Variants in WWOX observed in about 807,000 individuals in gnomAD.
WWOX encodes the protein WW domain containing oxidoreductase.
In WWOX, 69 loss-of-function variants were observed where a neutral mutation model predicts 46.2. The observed-to-expected ratio is 1.49, with a 90% confidence interval of 1.23 to 1.82. WWOX has a LOEUF of 1.82. Ranked by LOEUF, WWOX falls within the 40% of genes most tolerant of loss-of-function variation. The pLI, the probability that WWOX is intolerant of heterozygous loss-of-function variation, is 0.00. For synonymous variants in WWOX, 359 were observed against 202.6 expected, an observed-to-expected ratio of 1.77 and a Z score of -6.56; for missense variants, 919 against 542.6, an observed-to-expected ratio of 1.69 and a Z score of -6.89.
Position 78,755,153 on chromosome 16 carries a change from C to G in WWOX, c.1056+322401C>G, listed in dbSNP as rs557661189. On this transcript the variant is annotated intron_variant, in intron 8 of 8. Transcript: ENST00000566780. The stretch of plus-strand genomic sequence containing the variant: ...ATAGGTGCAGCAAACCACCATGGCA[C>G]ATGTACACCTATGTAACAAGGCTGC... 2.0e-5 allele frequency among the ~76,000 whole-genome samples: 3 copies of G among 148,514 alleles called. No individual in the cohort carries two copies. The East Asian group carries it at 6.0e-4, about 30-fold the overall frequency.
At chr16:78,670,830 G>A (rs1020057236) in intron 8 of WWOX, among the ~76,000 whole-genome samples, 1 of 152,034 alleles carries the variant, frequency 6.6e-6, no homozygotes, top group Admixed American at 6.6e-5. Flanking sequence ...GGTCTTTATA[G>A]ATGTAACTGA....
chr16:78,773,581 G>C (rs953689696), intron 8 of WWOX, among the ~76,000 whole-genome samples: 5 of 152,164 alleles, frequency 3.3e-5, no homozygotes, highest in Non-Finnish European at 5.9e-5. Flanking sequence ...CTTATTCATA[G>C]CTCCGCACTC....
At chr16:78,595,553 C>A (rs1480542502) in intron 8 of WWOX, among the ~76,000 whole-genome samples, 1 of 152,222 alleles carries the variant, frequency 6.6e-6, no homozygotes, top group Non-Finnish European at 1.5e-5. Context: ...ATCTCTCCCT[C>A]CCCACCACAG....
chr16:79,109,546 C>T (rs2049376999), intron 8 of WWOX, among the ~76,000 whole-genome samples: 1 of 152,118 alleles, frequency 6.6e-6, no homozygotes, highest in African/African-American at 2.4e-5. Flanking sequence ...AATTAATATG[C>T]AGTTGCTATT....
chr16:78,420,035 A>T (rs56259165), intron 6 of WWOX, among the ~76,000 whole-genome samples: 8 of 152,190 alleles, frequency 5.3e-5, no homozygotes, highest in African/African-American at 1.4e-4. Context: ...AAGATGTTCA[A>T]TCTCATTAGG....
In WWOX at chr16:78,916,096, G is replaced by C. The variant is rs145627992; in HGVS notation, c.1057-295512G>C. ...ATCATTGTGTTTACAGAGGTGGTCA[G>C]ATTCCCAGCACAGTGTACTCCCGCA... On this transcript the variant is annotated intron_variant, in intron 8 of 8. Coordinates refer to ENST00000566780, the MANE Select transcript of WWOX (RefSeq NM_016373.4). 6.6e-3 allele frequency among the ~76,000 whole-genome samples: 1,002 copies of C among 152,266 alleles called. 10 individuals are homozygous for C. The highest frequency in any genetic ancestry group is 0.023 in the African/African-American group (973 of 41,542).
chr16:79,087,946 G>T (rs1567541176), intron 8 of WWOX, among the ~76,000 whole-genome samples: 2 of 152,246 alleles, frequency 1.3e-5, no homozygotes, highest in Admixed American at 6.5e-5. Context: ...GCATTCATGG[G>T]TCTGTAGTCC....
At chr16:78,389,556 T>C (rs1358596160) in intron 6 of WWOX, among the ~76,000 whole-genome samples, 4 of 152,144 alleles carry the variant, frequency 2.6e-5, no homozygotes, top group Non-Finnish European at 2.9e-5. Flanking sequence ...ATTTTGCATG[T>C]ATGTTTTGAT....
At position 78,133,449 on chromosome 16, in the gene WWOX, C is replaced by T. The variant is rs750615778; in HGVS notation, c.409+18295C>T. Among the ~76,000 whole-genome samples, 19 of 152,166 alleles carry T rather than the reference C, an allele frequency of 1.2e-4. 1 individual carries two copies. The South Asian group carries it at 1.5e-3, about 12-fold the overall frequency. ...CTAATTTTTGTATTTTTATTAGAGA[C>T]GGGGTTTCACCATGTTGGCCAGGCT... On this transcript the variant is annotated intron_variant, in intron 4 of 8. Transcript: ENST00000566780.
At chr16:78,887,075 G>A (rs1567627127) in intron 8 of WWOX, among the ~76,000 whole-genome samples, 2 of 20,896 alleles carry the variant, frequency 9.6e-5, no homozygotes, top group East Asian at 3.8e-3. Flanking sequence ...GTGTGTGTGT[G>A]TGGTGTGTGT....
intron 8 of WWOX, among the ~76,000 whole-genome samples, chr16:78,934,316 C>G (rs1372179730): frequency 8.2e-6 from 1 of 122,548 alleles, no homozygotes; most frequent in Non-Finnish European, 1.8e-5. Context: ...CTAGCCTGGG[C>G]GACAGAGCAA....
intron 4 of WWOX, chr16:78,119,019 T>A (rs1159626946): frequency 1.3e-5 from 2 of 152,198 alleles, no homozygotes; most frequent in African/African-American, 4.8e-5. Flanking sequence ...TCTGTGGAGA[T>A]CAGCATCTCA....
At chr16:78,117,588 T>C (rs1293238829) in intron 4 of WWOX, among the ~76,000 whole-genome samples, 1 of 152,204 alleles carries the variant, frequency 6.6e-6, no homozygotes, top group Admixed American at 6.5e-5. Flanking sequence ...ATATCCTGCG[T>C]GGCTGCCTTA....
At chr16:78,505,010 G>A (rs1208412138) in intron 8 of WWOX, among the ~76,000 whole-genome samples, 3 of 152,156 alleles carry the variant, frequency 2.0e-5, no homozygotes, top group Non-Finnish European at 4.4e-5. Context: ...GTGCACGAAA[G>A]GAGATAAATG....
chr16:78,778,754 C>G (rs1276212376), intron 8 of WWOX, among the ~76,000 whole-genome samples: 1 of 152,080 alleles, frequency 6.6e-6, no homozygotes, highest in Non-Finnish European at 1.5e-5. Context: ...AAACTCAAAC[C>G]AAAGAGCACA....
chr16:79,150,048 C>G (rs1160379555), intron 8 of WWOX, among the ~76,000 whole-genome samples: 1 of 152,204 alleles, frequency 6.6e-6, no homozygotes, highest in Non-Finnish European at 1.5e-5. Flanking sequence ...CAAATACGTT[C>G]TTCTCTGATT....
chr16:78,841,421 A>C lies in WWOX; in HGVS notation c.1057-370187A>C, dbSNP rs371604448. ...TTTGCCTGTTTCTTCCAAAATCTGG[A>C]TTCAGTGACATCGTGTTGGTAGCTT... On this transcript the variant is annotated intron_variant, in intron 8 of 8. Coordinates refer to ENST00000566780, the MANE Select transcript of WWOX (RefSeq NM_016373.4). Among the ~76,000 whole-genome samples, 225 of 152,316 alleles carry C rather than the reference A, an allele frequency of 1.5e-3. 11 individuals are homozygous for C. The South Asian group carries it at 0.045, about 30-fold the overall frequency.
intron 8 of WWOX, among the ~76,000 whole-genome samples, chr16:78,775,559 C>T (rs764348602): frequency 3.9e-5 from 6 of 152,026 alleles, no homozygotes; most frequent in Admixed American, 6.5e-5. Context: ...CTGCTCATCC[C>T]GTCTACAACC....
intron 5 of WWOX, among the ~76,000 whole-genome samples, chr16:78,192,491 CAAAAA>C (rs56109773): frequency 1.1e-5 from 1 of 87,504 alleles, no homozygotes. Flanking sequence ...GACTCCGTCT[CAAAAA>C]AAAAAAAAAA....
Sources: gnomAD v4.1 joint callset for allele counts (sites outside exome capture counted in the v4.1 genomes callset) on GRCh38, gnomAD v4.1.1 for gene constraint, MANE v1.5 for transcripts, NCBI Gene and HGNC (gene_info 2026-07-23, HGNC 2026-07-21) for gene names.